EYA1: variants seen among roughly 807,000 people sequenced by gnomAD.
EYA1 encodes the protein protein phosphatase EYA1.
EYA1 carries 16 observed loss-of-function variants against 82.0 expected under a neutral mutation model. The ratio of observed to expected loss-of-function variants is 0.20; its 90% CI spans 0.13 to 0.30. The LOEUF (loss-of-function observed/expected upper bound fraction) is 0.30. Ranked by LOEUF, EYA1 falls within the 10% of genes least tolerant of loss-of-function variation. The pLI, the probability that EYA1 is intolerant of heterozygous loss-of-function variation, is 1.00. For synonymous variants in EYA1, 261 were observed against 264.4 expected (o/e 0.99, Z 0.12); for missense variants, 633 against 730.7 (o/e 0.87, Z 1.54).
At chr8:71,320,015 T>TC (rs1366670158) in intron 6 of EYA1, among the ~76,000 whole-genome samples, 1 of 152,174 alleles carries the variant, frequency 6.6e-6, no homozygotes, top group South Asian at 2.1e-4. Context: ...CCTCGCTCTC[T>TC]CCCCCTCCCT....
intron 11 of EYA1, among the ~76,000 whole-genome samples, chr8:71,264,659 C>G (rs1815557773): frequency 6.6e-6 from 1 of 151,824 alleles, no homozygotes; most frequent in Non-Finnish European, 1.5e-5. Flanking sequence ...TTCACTGCAG[C>G]CTTGACCTCC....
chr8:71,264,523 G>T (rs535238733), intron 11 of EYA1, among the ~76,000 whole-genome samples: 31 of 152,010 alleles, frequency 2.0e-4, no homozygotes, highest in African/African-American at 7.0e-4. Context: ...TCTTACTATC[G>T]GTTGTTGCCA....
rs1169791456 is a variant in EYA1, at chr8:71,199,471, C to T, written c.1699-51G>A. 5.7e-6 allele frequency: 8 copies of T among 1,400,664 alleles called. 1 individual carries two copies. The highest frequency in any genetic ancestry group is 8.0e-6 in the Non-Finnish European group (8 of 1,000,896). The allele number at this position is 1,400,664 out of a possible 1,614,324, so 86.8% of individuals were successfully genotyped here. On this transcript the variant is annotated intron_variant, in intron 17 of 17. Coordinates refer to ENST00000340726, the MANE Select transcript of EYA1 (RefSeq NM_000503.6). ...GAGGACAGAGCACCCAGCGCCAGCC[C>T]TGCCAGCTTTTTTGGAAATCCACTC...
chr8:71,504,595 C>G (rs76582784), intron 2 of EYA1, among the ~76,000 whole-genome samples: 234 of 152,034 alleles, frequency 1.5e-3, no homozygotes, highest in African/African-American at 5.5e-3. Context: ...TTAAGTATTC[C>G]AGGACTTACT....
chr8:71,322,098 C>T, intron 5 of EYA1, 101 bp downstream of exon 5: 1 of 1,201,042 alleles, frequency 8.3e-7, no homozygotes, highest in South Asian at 1.3e-5. Flanking sequence ...AATGCACTTT[C>T]ATTTAAATTA....
intron 2 of EYA1, among the ~76,000 whole-genome samples, chr8:71,452,250 G>C (rs1027627341): frequency 6.6e-6 from 1 of 152,228 alleles, no homozygotes; most frequent in Non-Finnish European, 1.5e-5. Flanking sequence ...TGAGGCTTGA[G>C]TAGGTAAACA....
intron 2 of EYA1, among the ~76,000 whole-genome samples, chr8:71,493,623 A>G (rs1453026810): frequency 6.6e-6 from 1 of 152,192 alleles, no homozygotes; most frequent in African/African-American, 2.4e-5. Flanking sequence ...AGAGAAGGAA[A>G]GAATTTTCAT....
At position 71,538,294 on chromosome 8, in the gene EYA1, G is replaced by C. The variant is rs568399811; in HGVS notation, c.-72-2446C>G. Among the ~76,000 whole-genome samples the C allele has an allele frequency of 2.1e-4, 32 of 152,252 alleles. No individual in the cohort carries two copies. The South Asian group carries it at 6.6e-3, about 32-fold the overall frequency. On this transcript the variant is annotated intron_variant, in intron 1 of 18. Transcript: ENST00000643681. The stretch of plus-strand genomic sequence containing the variant: ...TACCTGTCTCCCCCGCTAGACTGTA[G>C]CTCCAAGAGAGACAGAACCATGCCT...
intron 2 of EYA1, among the ~76,000 whole-genome samples, chr8:71,391,136 A>G (rs764435498): frequency 6.6e-6 from 1 of 151,940 alleles, no homozygotes; most frequent in Non-Finnish European, 1.5e-5. Context: ...ACCACACACA[A>G]CTAATTTTTA....
intron 17 of EYA1, among the ~76,000 whole-genome samples, chr8:71,200,426 T>G (rs1018801552): frequency 2.6e-5 from 4 of 152,338 alleles, no homozygotes; most frequent in African/African-American, 9.6e-5. Flanking sequence ...GTAGATCACA[T>G]AGCTGCTACA....
intron 3 of EYA1, among the ~76,000 whole-genome samples, chr8:71,352,088 C>A (rs901750115): frequency 1.3e-5 from 2 of 152,166 alleles, no homozygotes. Context: ...ATTTTAAAGA[C>A]TCTTAAATTG....
intron 2 of EYA1, among the ~76,000 whole-genome samples, chr8:71,512,609 T>C (rs1161743887): frequency 2.0e-5 from 3 of 151,088 alleles, no homozygotes. Context: ...TGGAAAAAAA[T>C]TGAAAATGAA....
At chr8:71,540,246 A>G (rs1375474095) in intron 1 of EYA1, among the ~76,000 whole-genome samples, 1 of 152,198 alleles carries the variant, frequency 6.6e-6, no homozygotes, top group Non-Finnish European at 1.5e-5. Context: ...AAAATATGCA[A>G]GAGATCTGAG....
intron 2 of EYA1, among the ~76,000 whole-genome samples, chr8:71,460,227 T>C (rs975643644): frequency 1.3e-5 from 2 of 152,224 alleles, no homozygotes; most frequent in Non-Finnish European, 2.9e-5. Flanking sequence ...TCACCAAATG[T>C]GATTCTCAGC....
At chr8:71,332,680 C>T (rs1408712375) in intron 4 of EYA1, among the ~76,000 whole-genome samples, 1 of 152,174 alleles carries the variant, frequency 6.6e-6, no homozygotes, top group African/African-American at 2.4e-5. Flanking sequence ...GACCATGCGA[C>T]CCCTTTCCTT....
At chr8:71,466,726 T>C (rs955455968) in intron 2 of EYA1, among the ~76,000 whole-genome samples, 68 of 152,244 alleles carry the variant, frequency 4.5e-4, no homozygotes, top group African/African-American at 1.6e-3. Context: ...TGTTTTCTCA[T>C]TGAAAAGGAA....
At chr8:71,344,059 C>G (rs540146060) in intron 3 of EYA1, among the ~76,000 whole-genome samples, 1 of 152,192 alleles carries the variant, frequency 6.6e-6, no homozygotes, top group African/African-American at 2.4e-5. Flanking sequence ...AAGTAAGTTG[C>G]AGATATAATA....
At chr8:71,234,996 C>A (rs1811658585) in intron 12 of EYA1, among the ~76,000 whole-genome samples, 1 of 152,162 alleles carries the variant, frequency 6.6e-6, no homozygotes, top group Admixed American at 6.5e-5. Context: ...ATCCTTGATT[C>A]TGCTTTCCCT....
intron 16 of EYA1, among the ~76,000 whole-genome samples, chr8:71,212,840 GAA>G: frequency 6.6e-6 from 1 of 152,160 alleles, no homozygotes; most frequent in African/African-American, 2.4e-5. Flanking sequence ...CAGCACTTTG[GAA>G]GGCCAAGGCA....
Sources: allele counts gnomAD v4.1 joint callset (sites outside exome capture counted in the v4.1 genomes callset), GRCh38; gene constraint gnomAD v4.1.1; transcripts MANE v1.5; gene names NCBI Gene and HGNC (gene_info 2026-07-23, HGNC 2026-07-21).